Variants in TMCO5A observed in about 807,000 individuals in gnomAD.
TMCO5A encodes transmembrane and coiled-coil domain-containing protein 5A.
TMCO5A carries 34 observed loss-of-function variants against 42.3 expected under a neutral mutation model. The observed-to-expected ratio is 0.80, with a 90% CI of 0.61 to 1.07. The LOEUF (loss-of-function observed/expected upper bound fraction) is 1.07. Ranked by LOEUF, TMCO5A falls within the 50% of genes least tolerant of loss-of-function variation. The pLI, the probability that TMCO5A is intolerant of heterozygous loss-of-function variation, is 0.00. For missense variants in TMCO5A, 357 were observed against 327.9 expected, an observed-to-expected ratio of 1.09 and a Z score of -0.69; for synonymous variants, 131 against 115.6, an observed-to-expected ratio of 1.13 and a Z score of -0.86.
At chr15:37,978,353 T>C in the TMCO5A span, among the ~76,000 whole-genome samples, 3 of 152,138 alleles carry the variant, frequency 2.0e-5, no homozygotes, top group East Asian at 5.8e-4. Context: ...GATTGTCAGT[T>C]GCCACTCAGA....
chr15:37,954,735 A>G (rs1272073234), downstream of TMCO5A, among the ~76,000 whole-genome samples: 1 of 152,156 alleles, frequency 6.6e-6, no homozygotes, highest in Non-Finnish European at 1.5e-5. Flanking sequence ...TAATAACTAT[A>G]ACAACTTTTC....
At chr15:38,014,771 C>T in the TMCO5A span, among the ~76,000 whole-genome samples, 4 of 148,650 alleles carry the variant, frequency 2.7e-5, no homozygotes, top group African/African-American at 9.9e-5. Flanking sequence ...ATAATTAATT[C>T]TAAGTCACTT....
the TMCO5A span, among the ~76,000 whole-genome samples, chr15:38,028,791 T>G: frequency 6.6e-6 from 1 of 152,108 alleles, no homozygotes; most frequent in Non-Finnish European, 1.5e-5. Context: ...AGCAAGCAGC[T>G]CAAGGTAACA....
At chr15:37,985,877 C>CT in the TMCO5A span, among the ~76,000 whole-genome samples, 30 of 151,202 alleles carry the variant, frequency 2.0e-4, no homozygotes, top group East Asian at 5.8e-4. Flanking sequence ...TTCATATCAG[C>CT]TTTTTTTTTA....
At chr15:38,009,358 G>A in the TMCO5A span, among the ~76,000 whole-genome samples, 85 of 152,296 alleles carry the variant, frequency 5.6e-4, no homozygotes, top group East Asian at 1.9e-4. Context: ...GCCTATTCTA[G>A]TTCTTTAGAC....
At chr15:37,948,462 C>T (rs1206302315) in intron 11 of TMCO5A, among the ~76,000 whole-genome samples, 1 of 151,900 alleles carries the variant, frequency 6.6e-6, no homozygotes, top group African/African-American at 2.4e-5. Flanking sequence ...AAGTAGAATA[C>T]CCCTTCATAC....
downstream of TMCO5A, among the ~76,000 whole-genome samples, chr15:37,954,859 G>C (rs1373233394): frequency 7.2e-5 from 11 of 151,940 alleles, no homozygotes; most frequent in African/African-American, 2.4e-4. Flanking sequence ...GTTTATTCAA[G>C]TAATGTTAAG....
At chr15:37,990,716 T>C in the TMCO5A span, among the ~76,000 whole-genome samples, 2 of 152,114 alleles carry the variant, frequency 1.3e-5, no homozygotes, top group Non-Finnish European at 2.9e-5. Context: ...CCTGCATTAC[T>C]GTCTTCTTTT....
chr15:37,965,638 G>T (rs925447107), intron 11 of TMCO5A, among the ~76,000 whole-genome samples: 2 of 152,136 alleles, frequency 1.3e-5, no homozygotes, highest in African/African-American at 4.8e-5. Context: ...CATACAAATG[G>T]CAAACAGGCA....
At chr15:37,964,329 G>T (rs1056090299) in intron 11 of TMCO5A, among the ~76,000 whole-genome samples, 3 of 152,174 alleles carry the variant, frequency 2.0e-5, no homozygotes, top group African/African-American at 7.2e-5. Context: ...GGGGTTGTCT[G>T]CACAGAGTCC....
the TMCO5A span, among the ~76,000 whole-genome samples, chr15:38,031,143 C>T: frequency 6.6e-6 from 1 of 152,176 alleles, no homozygotes; most frequent in Admixed American, 6.6e-5. Flanking sequence ...TCTGCTTTCC[C>T]TTGCACCCTT....
chr15:37,990,289 T>G, the TMCO5A span, among the ~76,000 whole-genome samples: 1 of 152,242 alleles, frequency 6.6e-6, no homozygotes, highest in East Asian at 1.9e-4. Context: ...TTTCATATAT[T>G]TTGATGGTCT....
the TMCO5A span, among the ~76,000 whole-genome samples, chr15:38,011,396 C>T: frequency 6.6e-6 from 1 of 151,902 alleles, no homozygotes; most frequent in African/African-American, 2.4e-5. Context: ...TGACAGTGAT[C>T]GAGAGAGAGA....
At chr15:38,033,805 G>C in the TMCO5A span, among the ~76,000 whole-genome samples, 1 of 151,922 alleles carries the variant, frequency 6.6e-6, no homozygotes, top group Non-Finnish European at 1.5e-5. Context: ...GTAGAGACAG[G>C]GTTTCACCAT....
chr15:37,967,964 C>A (rs1377309465), downstream of TMCO5A, among the ~76,000 whole-genome samples: 1 of 152,172 alleles, frequency 6.6e-6, no homozygotes, highest in Non-Finnish European at 1.5e-5. Flanking sequence ...AATTGAGACA[C>A]TTGTGATAAT....
At chr15:37,937,948 G>T (rs1400581630) in intron 5 of TMCO5A, among the ~76,000 whole-genome samples, 1 of 152,006 alleles carries the variant, frequency 6.6e-6, no homozygotes, top group East Asian at 1.9e-4. Flanking sequence ...AAGTACTCCT[G>T]CTTTGAGTGG....
the TMCO5A span, among the ~76,000 whole-genome samples, chr15:37,996,977 A>G: frequency 2.6e-5 from 4 of 152,260 alleles, no homozygotes; most frequent in Non-Finnish European, 5.9e-5. Flanking sequence ...CTAACTGAGA[A>G]GGAAGAAACG....
chr15:38,037,078 A>G, the TMCO5A span, among the ~76,000 whole-genome samples: 1 of 152,246 alleles, frequency 6.6e-6, no homozygotes, highest in Non-Finnish European at 1.5e-5. Flanking sequence ...GAAGTAAATT[A>G]GACTGAAAAT....
intron 7 of TMCO5A, 67 bp downstream of exon 7, chr15:37,941,272 T>C: frequency 2.0e-6 from 3 of 1,480,230 alleles, no homozygotes; most frequent in Non-Finnish European, 1.9e-6. Flanking sequence ...TCAGGCAATC[T>C]ATTTCTCAAG....
Sources: allele counts gnomAD v4.1 joint callset (sites outside exome capture counted in the v4.1 genomes callset), GRCh38; gene constraint gnomAD v4.1.1; transcripts MANE v1.5; gene names NCBI Gene and HGNC (gene_info 2026-07-23, HGNC 2026-07-21).